ATRX: variants seen among roughly 807,000 people sequenced by gnomAD.
ATRX encodes chromatin remodeler ATRX.
In ATRX, 12 loss-of-function variants were observed where a neutral mutation model predicts 172.6. That is an observed-to-expected ratio of 0.07 (90% CI 0.04 to 0.11). The LOEUF (loss-of-function observed/expected upper bound fraction) is 0.11, where lower values mean the gene tolerates loss of function less well. Ranked by LOEUF, ATRX falls within the 10% of genes least tolerant of loss-of-function variation. ATRX has a pLI of 1.00. For missense variants in ATRX, 1,368 were observed against 1,767.4 expected (o/e 0.77, Z 4.05); for synonymous variants, 674 against 594.7 (o/e 1.13, Z -1.94).
In ATRX at chrX:77,599,727, T is replaced by C. The variant is rs782475014; in HGVS notation, c.5786+5A>G. 1.7e-6 allele frequency: 2 copies of C among 1,206,779 alleles called. No homozygotes were observed. Among genetic ancestry groups the C allele is most frequent in the Admixed American group, 4.4e-5 (2 of 45,836 alleles). On this transcript the variant is annotated splice_donor_5th_base_variant and intron_variant, in intron 24 of 34. Transcript: ENST00000373344. ...CAGGATGGCACGAAAAAGTATTCGA[T>C]TTACTTTGTATAATCATCGGAGCTT...
chrX:77,585,017 A>C (rs2065955508), intron 27 of ATRX, among the ~76,000 whole-genome samples: 3 of 112,080 alleles, frequency 2.7e-5, no homozygotes, highest in Admixed American at 9.5e-5. Flanking sequence ...CATTTCTCAA[A>C]AGAAGACATA....
intron 28 of ATRX, among the ~76,000 whole-genome samples, chrX:77,573,707 A>G (rs377125258): frequency 8.9e-6 from 1 of 111,742 alleles, no homozygotes; most frequent in African/African-American, 3.2e-5. Context: ...ACTCTCATAC[A>G]ACTGCGGGTG....
intron 30 of ATRX, among the ~76,000 whole-genome samples, chrX:77,548,341 C>T (rs1481506387): frequency 3.6e-5 from 4 of 111,089 alleles, no homozygotes; most frequent in South Asian, 7.5e-4. Context: ...TCATTTTATA[C>T]TAGTAAATAC....
At chrX:77,674,457 A>G (rs2070772141) in intron 10 of ATRX, 1 of 111,461 alleles carries the variant, frequency 9.0e-6, no homozygotes, top group Admixed American at 9.6e-5. Context: ...ACAGGGTTGT[A>G]TTTTTTAATC....
intron 28 of ATRX, among the ~76,000 whole-genome samples, chrX:77,559,823 C>T (rs1268599356): frequency 9.0e-6 from 1 of 110,773 alleles, no homozygotes; most frequent in Non-Finnish European, 1.9e-5. Flanking sequence ...GAAAACTAAG[C>T]AAATGGTAAA....
chrX:77,527,481 T>C (rs999245011), intron 30 of ATRX, among the ~76,000 whole-genome samples: 1 of 112,045 alleles, frequency 8.9e-6, no homozygotes, highest in African/African-American at 3.2e-5. Flanking sequence ...CTTTGCAACA[T>C]GCGGAGCAGG....
At chrX:77,666,890 T>C (rs1215174192) in intron 10 of ATRX, among the ~76,000 whole-genome samples, 1 of 111,974 alleles carries the variant, frequency 8.9e-6, no homozygotes, top group Non-Finnish European at 1.9e-5. Context: ...TTTATTATAA[T>C]GTTGTCTGCA....
In ATRX at chrX:77,684,153, G is replaced by C. The variant is rs2148630450; in HGVS notation, c.1103C>G (p.Ser368Cys). Residue 368 changes from serine to cysteine, a missense_variant, in exon 9 of 35, where the codon TCC (serine) becomes TGC (cysteine). Physicochemically the swap from Ser to Cys is moderately radical, Grantham distance 112. Transcript: ENST00000373344. ...CTGCTTTAAAAATTTAACATAACTG[G>C]AGTTCATGTTGGCTGTGGTCTCAAT... Reference protein sequence around the residue: ...KLIETTANMNSSYVKFLKQAT... With the variant: ...KLIETTANMNCSYVKFLKQAT... The C allele has an allele frequency of 4.1e-6, 5 of 1,207,681 alleles. No homozygotes were observed. Among genetic ancestry groups the C allele is most frequent in the African/African-American group, 1.7e-5 (1 of 57,599 alleles).
chrX:77,725,031 A>G (rs2073965123), intron 1 of ATRX, among the ~76,000 whole-genome samples: 1 of 111,891 alleles, frequency 8.9e-6, no homozygotes, highest in African/African-American at 3.2e-5. Context: ...AAATCCAGAC[A>G]TGGTTGTTAC....
chrX:77,671,918 T>C (rs2070641619), intron 10 of ATRX, among the ~76,000 whole-genome samples: 1 of 110,937 alleles, frequency 9.0e-6, no homozygotes, highest in Admixed American at 9.7e-5. Flanking sequence ...ACATCATATG[T>C]CTTTCCTGAC....
At chrX:77,762,972 T>C (rs184058445) in intron 1 of ATRX, among the ~76,000 whole-genome samples, 142 of 111,342 alleles carry the variant, frequency 1.3e-3, no homozygotes, top group Non-Finnish European at 2.3e-3. Context: ...GTATAGTTTG[T>C]TCAAAAAACA....
intron 10 of ATRX, chrX:77,675,713 A>G (rs1252994636): frequency 8.5e-6 from 1 of 117,543 alleles, no homozygotes; most frequent in Non-Finnish European, 1.8e-5. Context: ...GTTAAACTCT[A>G]ACTCAGTCTA....
intron 1 of ATRX, among the ~76,000 whole-genome samples, chrX:77,745,919 A>AT (rs781796570): frequency 2.7e-5 from 3 of 110,784 alleles, no homozygotes; most frequent in East Asian, 5.6e-4. Context: ...GTACACACAA[A>AT]TTTTTTTTTA....
At chrX:77,727,238 T>C (rs1171506493) in intron 1 of ATRX, among the ~76,000 whole-genome samples, 4 of 111,809 alleles carry the variant, frequency 3.6e-5, no homozygotes, top group African/African-American at 1.3e-4. Context: ...GGTGGGAGGA[T>C]AAATTCGTTC....
At chrX:77,696,127 T>C (rs2072176747) in intron 5 of ATRX, among the ~76,000 whole-genome samples, 1 of 112,285 alleles carries the variant, frequency 8.9e-6, no homozygotes, top group Non-Finnish European at 1.9e-5. Flanking sequence ...CTATCTATGA[T>C]AGTTAACTTC....
chrX:77,726,889 G>A (rs961536633), intron 1 of ATRX, among the ~76,000 whole-genome samples: 15 of 108,674 alleles, frequency 1.4e-4, no homozygotes, highest in Admixed American at 6.9e-4. Context: ...CTTTTTTACC[G>A]ATGAGGAATT....
intron 1 of ATRX, among the ~76,000 whole-genome samples, chrX:77,769,386 T>C (rs2076081914): frequency 9.2e-6 from 1 of 109,094 alleles, no homozygotes; most frequent in Non-Finnish European, 1.9e-5. Flanking sequence ...GAGTCCTGGT[T>C]CAAGCAATTC....
At position 77,786,098 on chromosome X, in the gene ATRX, T is replaced by G. The variant is rs1409929002; in HGVS notation, c.-97A>C. On this transcript the variant is annotated 5_prime_UTR_variant, in exon 1 of 35. Transcript: ENST00000373344. ...CGATAGAAATGCACTGGAGTCTTAGTCGTCACTGTAGCTGCTGCTGGAACC... is the reference window on the plus strand; with the variant it reads ...CGATAGAAATGCACTGGAGTCTTAGGCGTCACTGTAGCTGCTGCTGGAACC... 1.9e-5 allele frequency: 19 copies of G among 1,011,861 alleles called. No individual in the cohort carries two copies. The highest frequency in any genetic ancestry group is 2.6e-5 in the Non-Finnish European group (19 of 740,945). 83.4% of individuals were successfully genotyped at this position (1,011,861 alleles called of 1,213,427 possible).
intron 10 of ATRX, chrX:77,676,018 A>G: frequency 2.9e-6 from 1 of 343,431 alleles, no homozygotes; most frequent in Non-Finnish European, 5.2e-6. Flanking sequence ...CTAGGTGTGT[A>G]AATAATGATA....
Sources: allele counts gnomAD v4.1 joint callset (sites outside exome capture counted in the v4.1 genomes callset), GRCh38; gene constraint gnomAD v4.1.1; transcripts MANE v1.5; gene names NCBI Gene and HGNC (gene_info 2026-07-23, HGNC 2026-07-21).